Variants in KCNK9 observed in about 807,000 individuals in gnomAD.
The protein encoded by KCNK9 is potassium channel subfamily K member 9.
Under a neutral mutation model 10.8 loss-of-function variants are expected in KCNK9, and 1 was observed. The ratio of observed to expected loss-of-function variants is 0.09; its 90% CI spans 0.03 to 0.44. The LOEUF is 0.44. Ranked by LOEUF, KCNK9 falls within the 20% of genes least tolerant of loss-of-function variation. The pLI, the probability that KCNK9 is intolerant of heterozygous loss-of-function variation, is 0.97. For missense variants in KCNK9, 303 were observed against 515.0 expected, an observed-to-expected ratio of 0.59 and a Z score of 3.98; for synonymous variants, 231 against 222.7, an observed-to-expected ratio of 1.04 and a Z score of -0.33.
intron 1 of KCNK9, among the ~76,000 whole-genome samples, chr8:139,628,048 CAAAAT>C (rs1465199475): frequency 2.6e-5 from 4 of 152,222 alleles, no homozygotes; most frequent in African/African-American, 9.7e-5. Flanking sequence ...ACAGGCCAAA[CAAAAT>C]AAGATGAAAC....
downstream of KCNK9, among the ~76,000 whole-genome samples, chr8:139,608,420 C>T (rs1160301253): frequency 2.0e-5 from 3 of 152,386 alleles, no homozygotes; most frequent in Non-Finnish European, 1.5e-5. Context: ...ATCCTTCCTT[C>T]GCAGACGGGG....
chr8:139,662,526 C>T (rs139518596), intron 1 of KCNK9, among the ~76,000 whole-genome samples: 1 of 152,260 alleles, frequency 6.6e-6, no homozygotes, highest in East Asian at 1.9e-4. Flanking sequence ...CAGCCGCTGG[C>T]CTGACCCCAT....
chr8:139,648,888 T>A (rs570190591), intron 1 of KCNK9, among the ~76,000 whole-genome samples: 2 of 152,306 alleles, frequency 1.3e-5, no homozygotes, highest in Non-Finnish European at 2.9e-5. Flanking sequence ...TTTCCTGGAT[T>A]TTAACCTGCA....
intron 1 of KCNK9, among the ~76,000 whole-genome samples, chr8:139,641,157 C>G (rs554711927): frequency 6.6e-6 from 1 of 152,268 alleles, no homozygotes; most frequent in South Asian, 2.1e-4. Flanking sequence ...TGGGTCCAGA[C>G]GCCCAGGGAC....
intron 1 of KCNK9, among the ~76,000 whole-genome samples, chr8:139,685,171 A>G (rs1411496205): frequency 6.6e-6 from 1 of 152,262 alleles, no homozygotes; most frequent in African/African-American, 2.4e-5. Flanking sequence ...TCATTGCACT[A>G]CAAAGAAAAA....
rs900238044 is a variant in KCNK9, at chr8:139,618,870, C to G, written c.513G>C (p.Leu171=). The stretch of plus-strand genomic sequence containing the variant: ...GGGAGAAGGCGGCCGCCCCGATGCA[C>G]AGCGTCCCCATGCAGGAGAAGAAGC... ...TVGFFSCMGT[L]CIGAAAFSQC... is the part of the protein sequence containing the mutation. Residue 171 remains leucine (L), a synonymous_variant, in exon 2 of 2, where the codon CTG becomes CTC. Transcript: ENST00000520439. The surrounding 1 kb of genome is among the most constrained non-coding windows in gnomAD (Gnocchi z 7.9). The G allele has an allele frequency of 1.2e-6, 2 of 1,614,214 alleles. No homozygotes were observed. The highest frequency in any genetic ancestry group is 2.7e-5 in the African/African-American group (2 of 75,040).
downstream of KCNK9, among the ~76,000 whole-genome samples, chr8:139,613,566 A>G (rs1426549076): frequency 6.6e-6 from 1 of 152,144 alleles, no homozygotes; most frequent in Non-Finnish European, 1.5e-5. Context: ...TCAAGCTTCA[A>G]GTGTGCCCAG....
chr8:139,670,918 C>T (rs980108658), intron 1 of KCNK9, among the ~76,000 whole-genome samples: 7 of 152,314 alleles, frequency 4.6e-5, no homozygotes, highest in African/African-American at 1.7e-4. Flanking sequence ...ACATTCTCAT[C>T]ACAGGGCAGG....
At chr8:139,638,984 C>T (rs1815418108) in intron 1 of KCNK9, among the ~76,000 whole-genome samples, 1 of 152,148 alleles carries the variant, frequency 6.6e-6, no homozygotes, top group Non-Finnish European at 1.5e-5. Context: ...TCCCCATTCT[C>T]GTGCCTTTTT....
intron 1 of KCNK9, among the ~76,000 whole-genome samples, chr8:139,648,248 C>T (rs1003340321): frequency 3.3e-5 from 5 of 152,004 alleles, no homozygotes; most frequent in Non-Finnish European, 5.9e-5. Context: ...GATCACTGGC[C>T]GCTAGGGGAT....
chr8:139,700,508 A>ACT (rs1392898740), intron 1 of KCNK9, among the ~76,000 whole-genome samples: 1 of 118,302 alleles, frequency 8.5e-6, no homozygotes, highest in Non-Finnish European at 1.7e-5. Context: ...ACACACACAC[A>ACT]CGCGCGCGCG....
chr8:139,604,277 G>A (rs1056888881), intron 2 of KCNK9, among the ~76,000 whole-genome samples: 2 of 152,322 alleles, frequency 1.3e-5, no homozygotes, highest in South Asian at 4.1e-4. Context: ...TGCCCTGTGG[G>A]GCTCATGCTT....
chr8:139,641,317 C>G (rs2129645609), intron 1 of KCNK9, among the ~76,000 whole-genome samples: 1 of 152,298 alleles, frequency 6.6e-6, no homozygotes, highest in East Asian at 1.9e-4. Flanking sequence ...GGGCTCCCAT[C>G]CTGCCCTCCT....
At chr8:139,640,167 T>A (rs1353721019) in intron 1 of KCNK9, among the ~76,000 whole-genome samples, 1 of 152,220 alleles carries the variant, frequency 6.6e-6, no homozygotes, top group African/African-American at 2.4e-5. Context: ...GCCCTGTCTC[T>A]ACCCCAGGCA....
At chr8:139,650,922 C>T (rs1289812011) in intron 1 of KCNK9, among the ~76,000 whole-genome samples, 3 of 152,252 alleles carry the variant, frequency 2.0e-5, no homozygotes, top group Non-Finnish European at 2.9e-5. Context: ...AGAATGTGCC[C>T]GGGTGGCCTT....
intron 1 of KCNK9, among the ~76,000 whole-genome samples, chr8:139,683,201 AC>A (rs1162200567): frequency 6.6e-6 from 1 of 152,118 alleles, no homozygotes; most frequent in Admixed American, 6.5e-5. Flanking sequence ...AAGAGCAATG[AC>A]CCACCAGCTC....
At chr8:139,608,654 G>C (rs1168445211), downstream of KCNK9, among the ~76,000 whole-genome samples, 1 of 152,018 alleles carries the variant, frequency 6.6e-6, no homozygotes, top group African/African-American at 2.4e-5. Context: ...GTGTACCTGC[G>C]CCCTCCAGCC....
downstream of KCNK9, chr8:139,612,773 A>G (rs539822036): frequency 9.8e-5 from 15 of 152,308 alleles, no homozygotes; most frequent in East Asian, 5.8e-4. Context: ...TGCATAAATC[A>G]TGGCTGCTCG....
At chr8:139,676,148 A>C (rs1038803833) in intron 1 of KCNK9, among the ~76,000 whole-genome samples, 2 of 152,264 alleles carry the variant, frequency 1.3e-5, no homozygotes, top group African/African-American at 4.8e-5. Context: ...ACCTGCATTA[A>C]TGTGAAAGCC....
Sources: allele counts gnomAD v4.1 joint callset (sites outside exome capture counted in the v4.1 genomes callset), GRCh38; gene constraint gnomAD v4.1.1; non-coding constraint Gnocchi (gnomAD v3.1); transcripts MANE v1.5; gene names NCBI Gene and HGNC (gene_info 2026-07-23, HGNC 2026-07-21).